The following TTC29 variants were observed in gnomAD, a reference collection of about 807,000 sequenced individuals.
TTC29 encodes tetratricopeptide repeat domain 29.
TTC29 carries 49 observed loss-of-function variants against 58.1 expected under a neutral mutation model. The ratio of observed to expected loss-of-function variants is 0.84; its 90% CI spans 0.67 to 1.07. The LOEUF is 1.07. TTC29 is among the 50% of genes least tolerant of loss of function. The probability of loss-of-function intolerance (pLI) is 0.00; values close to 1 mark genes in which losing one functional copy is unlikely to be tolerated. For synonymous variants in TTC29, 209 were observed against 196.8 expected (o/e 1.06, Z -0.52); for missense variants, 582 against 555.6 (o/e 1.05, Z -0.48).
chr4:146,813,069 C>T (rs748558047), intron 10 of TTC29: 1 of 152,142 alleles, frequency 6.6e-6, no homozygotes, highest in Non-Finnish European at 1.5e-5. Flanking sequence ...ACATCATAGA[C>T]CTTGGAACAA....
At chr4:146,768,170 TTG>T (rs1747467192) in intron 11 of TTC29, among the ~76,000 whole-genome samples, 1 of 152,052 alleles carries the variant, frequency 6.6e-6, no homozygotes, top group Non-Finnish European at 1.5e-5. Flanking sequence ...AGTATTAAGT[TTG>T]AAGATTCAAA....
chr4:146,826,413 C>T (rs1727801562), intron 9 of TTC29, among the ~76,000 whole-genome samples: 1 of 152,102 alleles, frequency 6.6e-6, no homozygotes, highest in Non-Finnish European at 1.5e-5. Flanking sequence ...AAATTATTTT[C>T]CTTAAGAATG....
chr4:146,725,297 G>A (rs1051911054), intron 11 of TTC29, among the ~76,000 whole-genome samples: 9 of 152,212 alleles, frequency 5.9e-5, no homozygotes, highest in African/African-American at 2.2e-4. Flanking sequence ...ACTTTGGGAG[G>A]CTGAGGCGGG....
chr4:146,850,322 T>C (rs538786835), intron 8 of TTC29, among the ~76,000 whole-genome samples: 128 of 152,332 alleles, frequency 8.4e-4, no homozygotes, highest in African/African-American at 3.0e-3. Flanking sequence ...ATACAACTGG[T>C]AAATGGTCAA....
chr4:146,729,634 C>G (rs1744180884), intron 11 of TTC29, among the ~76,000 whole-genome samples: 1 of 152,012 alleles, frequency 6.6e-6, no homozygotes, highest in Admixed American at 6.6e-5. Flanking sequence ...AAAGAACTGC[C>G]TGAGACTGGG....
chr4:146,825,089 GT>G (rs1378567777), intron 9 of TTC29, among the ~76,000 whole-genome samples: 6 of 151,836 alleles, frequency 4.0e-5, no homozygotes, highest in African/African-American at 1.5e-4. Context: ...GGTTTTTCAT[GT>G]TTCTATCTCC....
intron 7 of TTC29, among the ~76,000 whole-genome samples, chr4:146,871,743 A>G (rs1561206919): frequency 6.6e-6 from 1 of 151,988 alleles, no homozygotes; most frequent in Non-Finnish European, 1.5e-5. Context: ...AAATCATTGA[A>G]AAAAATTAAA....
intron 10 of TTC29, among the ~76,000 whole-genome samples, chr4:146,819,319 T>G (rs577678058): frequency 7.6e-4 from 115 of 152,144 alleles, no homozygotes; most frequent in African/African-American, 2.7e-3. Flanking sequence ...GCAGTGTGGT[T>G]TTGGAATTAG....
chr4:146,761,670 T>TG (rs1746911709), intron 11 of TTC29, among the ~76,000 whole-genome samples: 2 of 58,532 alleles, frequency 3.4e-5, no homozygotes, highest in Admixed American at 2.4e-4. Flanking sequence ...AACAGAGTAG[T>TG]TTTTTTTTTT....
chr4:146,707,130 T>G lies in TTC29; in HGVS notation c.*28A>C, dbSNP rs746899295. On this transcript the variant is annotated 3_prime_UTR_variant, in exon 13 of 13. Coordinates refer to ENST00000325106, the MANE Select transcript of TTC29 (RefSeq NM_031956.4). ...CTAAGGTGACATGATGGATTTCTTC[T>G]TGCTTTGATGTTAAGTGAAAAGCTG... 8 of 1,510,718 alleles carry G rather than the reference T, an allele frequency of 5.3e-6. No homozygotes were observed. The East Asian group carries it at 1.7e-4, about 33-fold the overall frequency. 93.6% of individuals were successfully genotyped at this position (1,510,718 alleles called of 1,614,324 possible). A position where few individuals can be genotyped will look rare whatever the true frequency, so the allele number is the denominator to read the frequency against.
chr4:146,858,779 T>C lies in TTC29; in HGVS notation c.885+8719A>G, dbSNP rs1003253157. On this transcript the variant is annotated intron_variant, in intron 8 of 12. Transcript: ENST00000325106. ...CGCATCTTACAGAAGAGGAAACTAA[T>C]GTTCAGAAAGGTTAAGTCAGTCACT... Among the ~76,000 whole-genome samples the C allele has an allele frequency of 2.6e-5, 4 of 152,176 alleles. No homozygotes were observed. The East Asian group carries it at 7.7e-4, about 29-fold the overall frequency.
chr4:146,827,744 G>A (rs1380478880), intron 9 of TTC29, among the ~76,000 whole-genome samples: 1 of 152,146 alleles, frequency 6.6e-6, no homozygotes, highest in Non-Finnish European at 1.5e-5. Context: ...TGGCACTAGT[G>A]TTATTATTAT....
At chr4:146,930,104 T>TATATATATACAC (rs1553942387) in intron 4 of TTC29, among the ~76,000 whole-genome samples, 6 of 129,780 alleles carry the variant, frequency 4.6e-5, no homozygotes, top group African/African-American at 1.9e-4. Flanking sequence ...TATATATATA[T>TATATATATACAC]ATATATATAT....
intron 11 of TTC29, among the ~76,000 whole-genome samples, chr4:146,739,670 C>A (rs1744980389): frequency 6.6e-6 from 1 of 152,170 alleles, no homozygotes; most frequent in Non-Finnish European, 1.5e-5. Flanking sequence ...TTGGTTCTAA[C>A]ATTTCATTAA....
intron 6 of TTC29, among the ~76,000 whole-genome samples, chr4:146,892,821 G>A (rs7700074): frequency 0.022 from 3,297 of 152,268 alleles, 89 homozygotes; most frequent in East Asian, 0.11. Flanking sequence ...AGGCTGATAG[G>A]CAACTTCAGC....
In TTC29 at chr4:146,834,002, CTA is replaced by C; in HGVS notation, c.886-107_886-106del. ...AAATTAATAGTTGGTTTTAATGTCT[CTA>C]TAAAAAATTTTGTTGATTAAAAATT... On this transcript the variant is annotated intron_variant, in intron 8 of 12. Transcript: ENST00000325106. The C allele has an allele frequency of 4.3e-6, 3 of 704,142 alleles. No individual in the cohort carries two copies. In the South Asian group the frequency reaches 7.6e-5, roughly 18 times the overall value. 43.6% of individuals were successfully genotyped at this position (704,142 alleles called of 1,614,324 possible). A position where few individuals can be genotyped will look rare whatever the true frequency, so the allele number is the denominator to read the frequency against.
chr4:146,859,755 G>T (rs1422097462), intron 8 of TTC29, among the ~76,000 whole-genome samples: 1 of 152,102 alleles, frequency 6.6e-6, no homozygotes, highest in Non-Finnish European at 1.5e-5. Context: ...GTGACATAAA[G>T]ATATGGGCTT....
intron 10 of TTC29, among the ~76,000 whole-genome samples, chr4:146,816,710 G>A (rs536007725): frequency 9.9e-5 from 15 of 152,136 alleles, no homozygotes; most frequent in East Asian, 3.9e-4. Context: ...GAGCCCAGGG[G>A]AGCAAGAGAG....
chr4:146,912,996 A>G (rs2150290053), intron 4 of TTC29, among the ~76,000 whole-genome samples: 1 of 152,288 alleles, frequency 6.6e-6, no homozygotes, highest in Non-Finnish European at 1.5e-5. Context: ...AAGGATGAAC[A>G]GGTTTGGGGA....
Sources: gnomAD v4.1 joint callset for allele counts (sites outside exome capture counted in the v4.1 genomes callset) on GRCh38, gnomAD v4.1.1 for gene constraint, MANE v1.5 for transcripts, NCBI Gene and HGNC (gene_info 2026-07-23, HGNC 2026-07-21) for gene names.